CHRM3: variants seen among roughly 807,000 people sequenced by gnomAD.
CHRM3 encodes the protein cholinergic receptor muscarinic 3.
CHRM3 carries 11 observed loss-of-function variants against 41.8 expected under a neutral mutation model. The ratio of observed to expected loss-of-function variants is 0.26; its 90% CI spans 0.17 to 0.44. The LOEUF is 0.44. Ranked by LOEUF, CHRM3 falls within the 20% of genes least tolerant of loss-of-function variation. CHRM3 has a pLI of 1.00. For synonymous variants in CHRM3, 297 were observed against 301.4 expected (o/e 0.99, Z 0.15); for missense variants, 571 against 745.4 (o/e 0.77, Z 2.72).
At position 239,761,007 on chromosome 1, in the gene CHRM3, C is replaced by T. The variant is rs546817144; in HGVS notation, c.-146-66245C>T. On this transcript the variant is annotated intron_variant, in intron 5 of 6. Coordinates refer to ENST00000676153, the MANE Select transcript of CHRM3 (RefSeq NM_001375978.1). ...CAAACCACTAATATGTCTGAGATTC[C>T]AATTATCTTTTTATTTAGCAATCTG... 1.6e-4 allele frequency among the ~76,000 whole-genome samples: 25 copies of T among 152,036 alleles called. No individual in the cohort carries two copies. In the South Asian group the frequency reaches 5.2e-3, roughly 32 times the overall value.
At chr1:239,615,161 T>C (rs1185938566) in intron 3 of CHRM3, among the ~76,000 whole-genome samples, 3 of 152,212 alleles carry the variant, frequency 2.0e-5, no homozygotes, top group African/African-American at 7.2e-5. Context: ...ATAAAAATAG[T>C]AACTTCTGGT....
chr1:239,887,122 C>T (rs926902977), intron 6 of CHRM3, among the ~76,000 whole-genome samples: 4 of 152,022 alleles, frequency 2.6e-5, no homozygotes, highest in Admixed American at 2.6e-4. Context: ...CAGAGAGAAT[C>T]CACTTTCTTC....
rs146110588 is a variant in CHRM3, at chr1:239,494,455, C to T, written c.-422+1648C>T. ...AATATTGAATATATGTGTGAAGATACGTACATAAAAAAACACCTAAACCTA... is the reference window on the plus strand; with the variant it reads ...AATATTGAATATATGTGTGAAGATATGTACATAAAAAAACACCTAAACCTA... On this transcript the variant is annotated intron_variant, in intron 2 of 6. Transcript: ENST00000676153. Among the ~76,000 whole-genome samples the T allele has an allele frequency of 6.1e-4, 93 of 152,066 alleles. 2 individuals are homozygous for T. The East Asian group carries it at 0.014, about 23-fold the overall frequency.
rs773177553 is a variant in CHRM3, at chr1:239,471,430, T to C, written c.-520-21279T>C. Among the ~76,000 whole-genome samples the C allele has an allele frequency of 1.7e-4, 26 of 152,318 alleles. No homozygotes were observed. The Middle Eastern group carries it at 0.01, about 60-fold the overall frequency. On this transcript the variant is annotated intron_variant, in intron 1 of 6. Coordinates refer to ENST00000676153, the MANE Select transcript of CHRM3 (RefSeq NM_001375978.1). The stretch of plus-strand genomic sequence containing the variant: ...AAACCTGAGAAACGCTGACTCCCCC[T>C]GGTCCATTGTTCCCCATGGAATGAC...
chr1:239,843,951 CAT>C (rs1023085348), intron 6 of CHRM3, among the ~76,000 whole-genome samples: 6 of 151,982 alleles, frequency 3.9e-5, no homozygotes, highest in Non-Finnish European at 7.4e-5. Context: ...TATAGACACA[CAT>C]ACACATATGC....
intron 1 of CHRM3, among the ~76,000 whole-genome samples, chr1:239,440,080 C>T (rs1663590612): frequency 6.6e-6 from 1 of 151,842 alleles, no homozygotes; most frequent in Admixed American, 6.6e-5. Flanking sequence ...CGCCTATAAT[C>T]CCAGCTACTC....
At chr1:239,408,963 A>C (rs1660861829) in intron 1 of CHRM3, among the ~76,000 whole-genome samples, 1 of 152,088 alleles carries the variant, frequency 6.6e-6, no homozygotes, top group Non-Finnish European at 1.5e-5. Flanking sequence ...TTCACTTTTT[A>C]CATTACTCGG....
At chr1:239,648,942 T>A (rs1671997846) in intron 4 of CHRM3, among the ~76,000 whole-genome samples, 1 of 152,290 alleles carries the variant, frequency 6.6e-6, no homozygotes, top group African/African-American at 2.4e-5. Flanking sequence ...CATAGTCTTA[T>A]TGAGTCACAG....
intron 3 of CHRM3, among the ~76,000 whole-genome samples, chr1:239,585,818 A>G (rs1288563102): frequency 1.3e-5 from 2 of 152,248 alleles, no homozygotes; most frequent in Non-Finnish European, 2.9e-5. Context: ...AGAATTTTGC[A>G]GAGCATGCAG....
chr1:239,693,400 A>G (rs1398899496), intron 5 of CHRM3, among the ~76,000 whole-genome samples: 1 of 152,102 alleles, frequency 6.6e-6, no homozygotes, highest in Non-Finnish European at 1.5e-5. Context: ...CCATATGAGA[A>G]GGTGGCATTC....
At chr1:239,487,520 GT>G (rs894155540) in intron 1 of CHRM3, among the ~76,000 whole-genome samples, 105 of 152,074 alleles carry the variant, frequency 6.9e-4, no homozygotes, top group African/African-American at 2.4e-3. Flanking sequence ...TCAGAAACAT[GT>G]AAAAAAACCA....
intron 1 of CHRM3, among the ~76,000 whole-genome samples, chr1:239,482,420 A>G (rs1207390015): frequency 6.6e-6 from 1 of 152,250 alleles, no homozygotes; most frequent in African/African-American, 2.4e-5. Flanking sequence ...GCAAAGTCAC[A>G]GGACTGTGTT....
intron 6 of CHRM3, among the ~76,000 whole-genome samples, chr1:239,870,496 A>G (rs1676483676): frequency 6.6e-6 from 1 of 152,278 alleles, no homozygotes; most frequent in Non-Finnish European, 1.5e-5. Flanking sequence ...AGCAATCCAG[A>G]CATCAAATGG....
intron 5 of CHRM3, among the ~76,000 whole-genome samples, chr1:239,782,260 G>T (rs1307629207): frequency 6.6e-6 from 1 of 151,980 alleles, no homozygotes; most frequent in Non-Finnish European, 1.5e-5. Context: ...TTTGGAAAGT[G>T]AATTAATTAT....
At chr1:239,502,251 A>G (rs1668288857) in intron 2 of CHRM3, among the ~76,000 whole-genome samples, 1 of 152,182 alleles carries the variant, frequency 6.6e-6, no homozygotes, top group Non-Finnish European at 1.5e-5. Context: ...AACAGGAAAT[A>G]TTACAACCGA....
intron 5 of CHRM3, among the ~76,000 whole-genome samples, chr1:239,727,246 G>A (rs201080844): frequency 1.3e-5 from 2 of 151,814 alleles, no homozygotes; most frequent in African/African-American, 2.4e-5. Flanking sequence ...TTCCTGGAAG[G>A]TTTTCATTTT....
intron 1 of CHRM3, among the ~76,000 whole-genome samples, chr1:239,487,883 CA>C (rs998587375): frequency 7.2e-6 from 1 of 138,962 alleles, no homozygotes; most frequent in Non-Finnish European, 1.6e-5. Flanking sequence ...AACACAAAGA[CA>C]AAAAAAAGAA....
intron 5 of CHRM3, among the ~76,000 whole-genome samples, chr1:239,803,654 G>A (rs903433039): frequency 1.3e-5 from 2 of 152,132 alleles, no homozygotes; most frequent in South Asian, 2.1e-4. Flanking sequence ...CATAGATGAC[G>A]TTCTTGAAGA....
intron 5 of CHRM3, among the ~76,000 whole-genome samples, chr1:239,822,930 G>A (rs1486704248): frequency 6.6e-6 from 1 of 152,158 alleles, no homozygotes; most frequent in Admixed American, 6.5e-5. Flanking sequence ...TCCAGCACTT[G>A]TAATTTCCCC....
Sources: gnomAD v4.1 joint callset for allele counts (sites outside exome capture counted in the v4.1 genomes callset) on GRCh38, gnomAD v4.1.1 for gene constraint, MANE v1.5 for transcripts, NCBI Gene and HGNC (gene_info 2026-07-23, HGNC 2026-07-21) for gene names.